The following MTFR1L variants were observed in gnomAD, a reference collection of about 807,000 sequenced individuals.
MTFR1L encodes the protein mitochondrial fission regulator 1-like.
MTFR1L carries 10 observed loss-of-function variants against 27.9 expected under a neutral mutation model. The observed-to-expected ratio is 0.36, with a 90% confidence interval of 0.22 to 0.61. The LOEUF is 0.61. Ranked by LOEUF, MTFR1L falls within the 20% of genes least tolerant of loss-of-function variation. The pLI is 0.73. For missense variants in MTFR1L, 315 were observed against 363.7 expected, an observed-to-expected ratio of 0.87 and a Z score of 1.09; for synonymous variants, 151 against 139.4, an observed-to-expected ratio of 1.08 and a Z score of -0.58.
In MTFR1L at chr1:25,828,014, C is replaced by T. The variant is rs554387793; in HGVS notation, c.451+1188C>T. 8.7e-4 allele frequency among the ~76,000 whole-genome samples: 132 copies of T among 152,290 alleles called. 1 individual carries two copies. The highest frequency in any genetic ancestry group is 2.9e-3 in the African/African-American group (119 of 41,568). On this transcript the variant is annotated intron_variant, in intron 5 of 6. Transcript: ENST00000374303. ...TGCTAGGATTACAACCATGAGCCACCGCGCCCTGCTTTCCTTTTCAATACA... is the reference window on the plus strand; with the variant it reads ...TGCTAGGATTACAACCATGAGCCACTGCGCCCTGCTTTCCTTTTCAATACA...
intron 5 of MTFR1L, among the ~76,000 whole-genome samples, chr1:25,828,499 G>A (rs2048196126): frequency 6.6e-6 from 1 of 152,044 alleles, no homozygotes; most frequent in Non-Finnish European, 1.5e-5. Flanking sequence ...GGTGGAGGTT[G>A]CAATGAGCTG....
At chr1:25,823,952 C>T (rs1362855022) in intron 3 of MTFR1L, among the ~76,000 whole-genome samples, 1 of 152,214 alleles carries the variant, frequency 6.6e-6, no homozygotes, top group Non-Finnish European at 1.5e-5. Context: ...CCTGACAGGT[C>T]CCCCACATGG....
intron 5 of MTFR1L, among the ~76,000 whole-genome samples, chr1:25,828,061 C>A (rs1322149419): frequency 6.6e-6 from 1 of 152,130 alleles, no homozygotes; most frequent in Non-Finnish European, 1.5e-5. Context: ...TTCCCCCCAC[C>A]ACCACTGAGA....
Position 25,832,258 on chromosome 1 carries a change from G to A in MTFR1L, c.*232G>A, listed in dbSNP as rs2048255401. 3 of 1,240,268 alleles carry A rather than the reference G, an allele frequency of 2.4e-6. No homozygotes were observed. Among genetic ancestry groups the A allele is most frequent in the Non-Finnish European group, 3.4e-6 (3 of 886,996 alleles). The allele number at this position is 1,240,268 out of a possible 1,614,324, so 76.8% of individuals were successfully genotyped here. A position where few individuals can be genotyped will look rare whatever the true frequency, so the allele number is the denominator to read the frequency against. On this transcript the variant is annotated 3_prime_UTR_variant, in exon 7 of 7. Coordinates refer to ENST00000374303, the MANE Select transcript of MTFR1L (RefSeq NM_001099625.2). ...TGAGACATTTGTTTCAGGTAATCGT[G>A]TAGAATGAAGTATCTTAGTTTAAAG...
chr1:25,828,390 C>A (rs2048194474), intron 5 of MTFR1L, among the ~76,000 whole-genome samples: 1 of 152,146 alleles, frequency 6.6e-6, no homozygotes, highest in African/African-American at 2.4e-5. Context: ...CGAGACCAGC[C>A]TGGCCAACAT....
chr1:25,830,702 C>T (rs79410492), intron 6 of MTFR1L, among the ~76,000 whole-genome samples: 1,828 of 152,276 alleles, frequency 0.012, 32 homozygotes, highest in African/African-American at 0.042. Flanking sequence ...GACAGGGAAG[C>T]GAGGTCCTCT....
At position 25,826,526 on chromosome 1, in the gene MTFR1L, A is replaced by G; in HGVS notation, c.240-89A>G. 1 of 1,573,074 alleles carries G rather than the reference A, an allele frequency of 6.4e-7. No individual in the cohort carries two copies. Among genetic ancestry groups the G allele is most frequent in the Non-Finnish European group, 8.7e-7 (1 of 1,144,092 alleles). On this transcript the variant is annotated intron_variant, in intron 4 of 6. Transcript: ENST00000374303. This position sits in a 1 kb window ranked among gnomAD's most constrained non-coding sequence, Gnocchi z 4.1. ...GCTCAGAGAGGAGCAGAACCTTACTATACTACTCTCACAGAAGTGGGGGAA... is the reference window on the plus strand; with the variant it reads ...GCTCAGAGAGGAGCAGAACCTTACTGTACTACTCTCACAGAAGTGGGGGAA...
Position 25,820,038 on chromosome 1 carries a change from G to A in MTFR1L, c.-87+9G>A. ...GGGAGCCCGAGCTTGAGGTGAGAAAGGTTCTAGGGAGGCGCGGAGGCGGGA... is the reference window on the plus strand; with the variant it reads ...GGGAGCCCGAGCTTGAGGTGAGAAAAGTTCTAGGGAGGCGCGGAGGCGGGA... On this transcript the variant is annotated intron_variant, in intron 1 of 6. Transcript: ENST00000374303. 1 of 371,752 alleles carries A rather than the reference G, an allele frequency of 2.7e-6. No homozygotes were observed. The allele number at this position is 371,752 out of a possible 1,614,324, so 23.0% of individuals were successfully genotyped here.
At chr1:25,828,603 C>T (rs2048198742) in intron 5 of MTFR1L, among the ~76,000 whole-genome samples, 1 of 151,766 alleles carries the variant, frequency 6.6e-6, no homozygotes, top group African/African-American at 2.4e-5. Flanking sequence ...TGCAAACAAG[C>T]CCTGTAACCC....
intron 3 of MTFR1L, 67 bp downstream of exon 3, chr1:25,823,815 T>C (rs2048132401): frequency 6.4e-7 from 1 of 1,568,464 alleles, no homozygotes; most frequent in Non-Finnish European, 8.7e-7. Context: ...CCAAACCCCT[T>C]GGTACTGCCC....
In MTFR1L at chr1:25,820,652, G is replaced by A. The variant is rs1445516984; in HGVS notation, c.-87+623G>A. ...ACTGCAGCCTCCGGAGGGCTGCGGG[G>A]CGCAGAGGTGACAAGACCCACCGGT... On this transcript the variant is annotated intron_variant, in intron 1 of 6. Coordinates refer to ENST00000374303, the MANE Select transcript of MTFR1L (RefSeq NM_001099625.2). 8 of 423,278 alleles carry A rather than the reference G, an allele frequency of 1.9e-5. No individual in the cohort carries two copies. The East Asian group carries it at 6.4e-4, about 34-fold the overall frequency. 26.2% of individuals were successfully genotyped at this position (423,278 alleles called of 1,614,324 possible).
At chr1:25,825,260 A>G (rs909322785) in intron 3 of MTFR1L, among the ~76,000 whole-genome samples, 6 of 152,128 alleles carry the variant, frequency 3.9e-5, no homozygotes, top group African/African-American at 9.7e-5. Flanking sequence ...ATATGCATTT[A>G]TTATTATTAT....
intron 5 of MTFR1L, among the ~76,000 whole-genome samples, chr1:25,828,005 A>G (rs1190582710): frequency 6.6e-6 from 1 of 152,150 alleles, no homozygotes; most frequent in African/African-American, 2.4e-5. Flanking sequence ...GATTACAACC[A>G]TGAGCCACCG....
chr1:25,831,737 T>A (rs1350768974), intron 6 of MTFR1L, among the ~76,000 whole-genome samples, 184 bp from the exon 7 acceptor site: 1 of 152,252 alleles, frequency 6.6e-6, no homozygotes, highest in Non-Finnish European at 1.5e-5. Context: ...ACTTGCTGAG[T>A]GACTAGTGAC....
Position 25,826,196 on chromosome 1 carries a change from T to C in MTFR1L, c.130-106T>C, listed in dbSNP as rs2048165176. 1 of 909,814 alleles carries C rather than the reference T, an allele frequency of 1.1e-6. No individual in the cohort carries two copies. Among genetic ancestry groups the C allele is most frequent in the African/African-American group, 1.7e-5 (1 of 60,188 alleles). 56.4% of individuals were successfully genotyped at this position (909,814 alleles called of 1,614,324 possible). A position where few individuals can be genotyped will look rare whatever the true frequency, so the allele number is the denominator to read the frequency against. ...CTTCTTCTGCCCCCTCTAGGAAGCC[T>C]TCCTGACACCCAGTGCCGGATTAGG... is the stretch of plus-strand genomic sequence containing the variant. On this transcript the variant is annotated intron_variant, in intron 3 of 6. Coordinates refer to ENST00000374303, the MANE Select transcript of MTFR1L (RefSeq NM_001099625.2). The surrounding 1 kb of genome is among the most constrained non-coding windows in gnomAD (Gnocchi z 4.1).
At position 25,826,133 on chromosome 1, in the gene MTFR1L, T is replaced by C. The variant is rs903679853; in HGVS notation, c.130-169T>C. 1.9e-5 allele frequency: 11 copies of C among 584,540 alleles called. No individual in the cohort carries two copies. The African/African-American group carries it at 2.1e-4, about 11-fold the overall frequency. The allele number at this position is 584,540 out of a possible 1,614,324, so 36.2% of individuals were successfully genotyped here. ...ACAGGTGTGAGCCACCATGCCTGAC[T>C]GTCATCTGGCCTCTGTTCAATGTTT... On this transcript the variant is annotated intron_variant, in intron 3 of 6. Transcript: ENST00000374303. This position sits in a 1 kb window ranked among gnomAD's most constrained non-coding sequence, Gnocchi z 4.1.
At chr1:25,827,995 G>A (rs1353634535) in intron 5 of MTFR1L, among the ~76,000 whole-genome samples, 1 of 152,142 alleles carries the variant, frequency 6.6e-6, no homozygotes, top group African/African-American at 2.4e-5. Flanking sequence ...AAAATGCTAG[G>A]ATTACAACCA....
chr1:25,830,771 C>T (rs2115804), intron 6 of MTFR1L, among the ~76,000 whole-genome samples: 119,399 of 152,108 alleles, frequency 0.78, 47,132 homozygotes, highest in East Asian at 0.98. Flanking sequence ...CCCTTTTTGT[C>T]TCCTGGGATC....
intron 1 of MTFR1L, chr1:25,821,879 G>C (rs1265500948): frequency 6.6e-6 from 1 of 152,288 alleles, no homozygotes; most frequent in Non-Finnish European, 1.5e-5. Flanking sequence ...CACTCTGCTG[G>C]ACAGCGAGTT....
Sources: allele counts gnomAD v4.1 joint callset (sites outside exome capture counted in the v4.1 genomes callset), GRCh38; gene constraint gnomAD v4.1.1; non-coding constraint Gnocchi (gnomAD v3.1); transcripts MANE v1.5; gene names NCBI Gene and HGNC (gene_info 2026-07-23, HGNC 2026-07-21).